LINS1: variants seen among roughly 807,000 people sequenced by gnomAD.
LINS1 encodes protein Lines homolog 1.
A neutral mutation model predicts 41.6 loss-of-function variants in LINS1; 27 were observed. That is an observed-to-expected ratio of 0.65 (90% CI 0.48 to 0.89). LINS1 has a LOEUF of 0.89. Among genes scored for constraint, LINS1 ranks in the 40% least tolerant of loss-of-function variants. The pLI, the probability that LINS1 is intolerant of heterozygous loss-of-function variation, is 0.00. For synonymous variants in LINS1, 336 were observed against 312.9 expected, an observed-to-expected ratio of 1.07 and a Z score of -0.78; for missense variants, 955 against 884.1, an observed-to-expected ratio of 1.08 and a Z score of -1.02.
intron 1 of LINS1, among the ~76,000 whole-genome samples, chr15:100,589,465 C>A (rs543348332): frequency 6.6e-6 from 1 of 152,310 alleles, no homozygotes; most frequent in Middle Eastern, 3.4e-3. Flanking sequence ...CAGTGCTATG[C>A]ACCTAATGTG....
intron 1 of LINS1, among the ~76,000 whole-genome samples, chr15:100,582,324 T>C (rs796839216): frequency 6.9e-6 from 1 of 145,060 alleles, no homozygotes; most frequent in African/African-American, 2.6e-5. Flanking sequence ...AGCCTAGTCT[T>C]GGTCTTATAC....
chr15:100,577,268 C>G (rs545883002), intron 3 of LINS1, among the ~76,000 whole-genome samples: 276 of 152,270 alleles, frequency 1.8e-3, no homozygotes, highest in African/African-American at 6.4e-3. Flanking sequence ...GATTGTATAT[C>G]TAGAAAACCC....
rs6598356 is a variant in LINS1, at chr15:100,569,688, C to G, written c.1824G>C (p.Gly608=). The change falls in exon 7 of 7, where the codon GGG becomes GGC. Residue 608 remains glycine, a synonymous_variant. Transcript: ENST00000314742. ...GACTAGAAGCACACATGGTGTGAGCCCCCTTGGACATCACAGCTTTCAGTG... is the reference window on the plus strand; with the variant it reads ...GACTAGAAGCACACATGGTGTGAGCGCCCTTGGACATCACAGCTTTCAGTG... ...SEPLKAVMSK[G]AHTMCASSLS... is the part of the protein sequence containing the mutation. The G allele has an allele frequency of 6.2e-7, 1 of 1,613,330 alleles. No individual in the cohort carries two copies. The highest frequency in any genetic ancestry group is 1.7e-5 in the Admixed American group (1 of 59,960).
At chr15:100,597,785 C>T (rs984734435) in intron 1 of LINS1, among the ~76,000 whole-genome samples, 7 of 152,344 alleles carry the variant, frequency 4.6e-5, no homozygotes, top group Middle Eastern at 6.8e-3. Context: ...GAGGAACTGT[C>T]TATAGATGTG....
rs1402777535 is a variant in LINS1, at chr15:100,568,684, G to A, written c.*554C>T. The A allele has an allele frequency of 6.5e-6, 1 of 153,260 alleles. No individual in the cohort carries two copies. Among genetic ancestry groups the A allele is most frequent in the Non-Finnish European group, 1.5e-5 (1 of 68,796 alleles). 9.5% of individuals were successfully genotyped at this position (153,260 alleles called of 1,614,324 possible). A position where few individuals can be genotyped will look rare whatever the true frequency, so the allele number is the denominator to read the frequency against. ...GCAAGTTGTTACGGCAGCCCTAGCT[G>A]AGGAACGCAATCACCACCCCCGATT... On this transcript the variant is annotated 3_prime_UTR_variant, in exon 7 of 7. Coordinates refer to ENST00000314742, the MANE Select transcript of LINS1 (RefSeq NM_001040616.3).
At chr15:100,578,090 A>T (rs1253807428) in intron 3 of LINS1, among the ~76,000 whole-genome samples, 2 of 152,180 alleles carry the variant, frequency 1.3e-5, no homozygotes, top group African/African-American at 2.4e-5. Flanking sequence ...AACCTAGGCA[A>T]TACCATTCAG....
intron 3 of LINS1, among the ~76,000 whole-genome samples, chr15:100,575,991 A>G (rs2038152297): frequency 1.3e-5 from 2 of 152,242 alleles, no homozygotes; most frequent in African/African-American, 4.8e-5. Context: ...ACAAAGACAC[A>G]ACATACCAGA....
chr15:100,599,585 T>C (rs544318468), intron 1 of LINS1, among the ~76,000 whole-genome samples: 1 of 152,236 alleles, frequency 6.6e-6, no homozygotes, highest in Non-Finnish European at 1.5e-5. Flanking sequence ...ATTTAGCAAA[T>C]ACACCATATG....
At position 100,573,893 on chromosome 15, in the gene LINS1, T is replaced by C. The variant is rs573586589; in HGVS notation, c.980A>G (p.Asp327Gly). 1.4e-5 allele frequency: 23 copies of C among 1,614,208 alleles called. No homozygotes were observed. Among genetic ancestry groups the C allele is most frequent in the Admixed American group, 1.0e-4 (6 of 60,018 alleles). Reference protein sequence around the residue: ...RGSVPALMPPDHHVAVDMLAL... With the variant: ...RGSVPALMPPGHHVAVDMLAL... The stretch of plus-strand genomic sequence containing the variant: ...CAGCATGTCCACCGCTACATGATGG[T>C]CTGGCGGCATTAAGGCAGGCACAGA... The change falls in exon 5 of 7, where the codon GAC becomes GGC. Residue 327 changes from aspartate to glycine, a missense_variant. Coordinates refer to ENST00000314742, the MANE Select transcript of LINS1 (RefSeq NM_001040616.3).
intron 1 of LINS1, among the ~76,000 whole-genome samples, chr15:100,585,531 G>A (rs761886894): frequency 2.0e-5 from 3 of 152,174 alleles, no homozygotes; most frequent in Middle Eastern, 3.2e-3. Flanking sequence ...TCAAACTGCC[G>A]TGGAAAATGT....
intron 1 of LINS1, among the ~76,000 whole-genome samples, chr15:100,599,687 C>A (rs2039393790): frequency 6.6e-6 from 1 of 152,160 alleles, no homozygotes; most frequent in Admixed American, 6.5e-5. Flanking sequence ...CTTTTTCCTT[C>A]TTTTTGGGAG....
intron 1 of LINS1, among the ~76,000 whole-genome samples, chr15:100,583,185 G>A (rs1237710687): frequency 6.7e-6 from 1 of 149,366 alleles, no homozygotes; most frequent in Admixed American, 6.6e-5. Flanking sequence ...TCTACAACAT[G>A]GCCCACTAGC....
rs2037643858 is a variant in LINS1 at position 100,568,775 on chromosome 15, G to C, written c.*463C>G. ...AGCTATAATGAGTGACTTGTCACTT[G>C]ATGTCTCTTTTTCAGTCACTAGGTT... On this transcript the variant is annotated 3_prime_UTR_variant, in exon 7 of 7. Coordinates refer to ENST00000314742, the MANE Select transcript of LINS1 (RefSeq NM_001040616.3). 5.9e-6 allele frequency: 1 copy of C among 168,276 alleles called. No individual in the cohort carries two copies. The highest frequency in any genetic ancestry group is 2.4e-5 in the African/African-American group (1 of 41,512). 10.4% of individuals were successfully genotyped at this position (168,276 alleles called of 1,614,324 possible). A position where few individuals can be genotyped will look rare whatever the true frequency, so the allele number is the denominator to read the frequency against.
chr15:100,601,685 T>A (rs1336725746), intron 1 of LINS1, among the ~76,000 whole-genome samples: 1 of 152,128 alleles, frequency 6.6e-6, no homozygotes, highest in Non-Finnish European at 1.5e-5. Flanking sequence ...TTGTTCACTG[T>A]TGTCTCCCCA....
intron 1 of LINS1, among the ~76,000 whole-genome samples, chr15:100,596,564 A>G (rs2039253341): frequency 1.3e-5 from 2 of 152,224 alleles, no homozygotes; most frequent in South Asian, 4.1e-4. Flanking sequence ...CAGGAGCTAG[A>G]AATTATTTAG....
chr15:100,587,100 A>G (rs2038834937), intron 1 of LINS1, among the ~76,000 whole-genome samples: 1 of 142,790 alleles, frequency 7.0e-6, no homozygotes, highest in Non-Finnish European at 1.5e-5. Context: ...CAGAGGTTGC[A>G]GTGAGCCAAG....
chr15:100,583,711 A>C (rs1458244545), intron 1 of LINS1, among the ~76,000 whole-genome samples: 2 of 152,166 alleles, frequency 1.3e-5, no homozygotes, highest in African/African-American at 4.8e-5. Flanking sequence ...TTGTTTTATT[A>C]ATCCCTACCT....
intron 1 of LINS1, among the ~76,000 whole-genome samples, chr15:100,583,296 C>G (rs2038653456): frequency 6.6e-6 from 1 of 152,242 alleles, no homozygotes; most frequent in South Asian, 2.1e-4. Flanking sequence ...GCCCACTAGC[C>G]TAGTCTTGGT....
chr15:100,595,530 T>G (rs1263529585), intron 1 of LINS1, among the ~76,000 whole-genome samples: 3 of 152,194 alleles, frequency 2.0e-5, no homozygotes, highest in African/African-American at 7.2e-5. Context: ...GGGAGGATGC[T>G]GAGAAACTAG....
Sources: gnomAD v4.1 joint callset for allele counts (sites outside exome capture counted in the v4.1 genomes callset) on GRCh38, gnomAD v4.1.1 for gene constraint, MANE v1.5 for transcripts, NCBI Gene and HGNC (gene_info 2026-07-23, HGNC 2026-07-21) for gene names.